Variants in ZC3H8 observed in about 807,000 individuals in gnomAD.
The protein encoded by ZC3H8 is zinc finger CCCH domain-containing protein 8.
Under a neutral mutation model 42.5 loss-of-function variants are expected in ZC3H8, and 27 were observed. The observed-to-expected ratio is 0.64, with a 90% CI of 0.47 to 0.88. The LOEUF is 0.88. ZC3H8 is among the 40% of genes least tolerant of loss of function. ZC3H8 has a pLI of 0.00. For synonymous variants in ZC3H8, 101 were observed against 110.1 expected (o/e 0.92, Z 0.52); for missense variants, 277 against 336.1 (o/e 0.82, Z 1.37).
At chr2:112,245,666 G>A (rs1318319144) in intron 2 of ZC3H8, among the ~76,000 whole-genome samples, 1 of 152,120 alleles carries the variant, frequency 6.6e-6, no homozygotes, top group Non-Finnish European at 1.5e-5. Context: ...AAAGCAATGT[G>A]CATGATGAAG....
At chr2:112,230,021 A>G (rs889988633) in intron 8 of ZC3H8, among the ~76,000 whole-genome samples, 1 of 152,154 alleles carries the variant, frequency 6.6e-6, no homozygotes, top group African/African-American at 2.4e-5. Flanking sequence ...AAAGAATTAT[A>G]TAAGGAATAT....
intron 1 of ZC3H8, 91 bp downstream of exon 1, chr2:112,254,804 ACGCGGCCCGGACG>A: frequency 7.3e-7 from 1 of 1,372,478 alleles, no homozygotes; most frequent in South Asian, 1.3e-5. Flanking sequence ...GGCCCTCGCG[ACGCGGCCCGGACG>A]TGGCCCCGGA....
At chr2:112,233,117 C>T in intron 6 of ZC3H8, 143 bp downstream of exon 6, 1 of 545,730 alleles carries the variant, frequency 1.8e-6, no homozygotes, top group Non-Finnish European at 3.2e-6. Flanking sequence ...AATCCACGTA[C>T]AATTTAATCA....
At chr2:112,254,342 A>T (rs929265374) in intron 1 of ZC3H8, among the ~76,000 whole-genome samples, 1 of 152,232 alleles carries the variant, frequency 6.6e-6, no homozygotes, top group Non-Finnish European at 1.5e-5. Context: ...ACCTAATGGA[A>T]ATATTAAGTC....
intron 2 of ZC3H8, among the ~76,000 whole-genome samples, chr2:112,239,793 C>T (rs1685506497): frequency 6.6e-6 from 1 of 152,112 alleles, no homozygotes; most frequent in Non-Finnish European, 1.5e-5. Context: ...CCCTATTGGC[C>T]AGGCTGGTCC....
chr2:112,247,644 A>G (rs1685806137), intron 2 of ZC3H8, among the ~76,000 whole-genome samples: 2 of 152,232 alleles, frequency 1.3e-5, no homozygotes. Context: ...CACCTTTTAC[A>G]TACTTGTGAG....
chr2:112,255,001 T>C lies in ZC3H8; in HGVS notation c.-20A>G. On this transcript the variant is annotated 5_prime_UTR_variant, in exon 1 of 9. Transcript: ENST00000409573. ...ATCCATGACCCAGACAGGTCCTCCC[T>C]TTCGCGAGCCGGGAAGCTACAGAGT... The C allele has an allele frequency of 2.5e-6, 4 of 1,591,196 alleles. No individual in the cohort carries two copies. Among genetic ancestry groups the C allele is most frequent in the Non-Finnish European group, 3.4e-6 (4 of 1,170,194 alleles).
At chr2:112,249,013 G>A (rs1037529499) in intron 2 of ZC3H8, among the ~76,000 whole-genome samples, 6 of 152,040 alleles carry the variant, frequency 3.9e-5, no homozygotes, top group Non-Finnish European at 7.4e-5. Context: ...TGGGCAACAT[G>A]GCGAAACCCC....
intron 2 of ZC3H8, among the ~76,000 whole-genome samples, chr2:112,244,377 G>A (rs1402943924): frequency 6.6e-6 from 1 of 152,056 alleles, no homozygotes; most frequent in Non-Finnish European, 1.5e-5. Context: ...CTACATATGG[G>A]TGTATGCCAA....
At chr2:112,226,589 C>CAAAAAAAAAAAAAAAA (rs549996878) in intron 8 of ZC3H8, among the ~76,000 whole-genome samples, 7 of 74,190 alleles carry the variant, frequency 9.4e-5, no homozygotes, top group African/African-American at 1.2e-4. Flanking sequence ...GACTCCATCT[C>CAAAAAAAAAAAAAAAA]AAAAAAAAAA....
chr2:112,232,008 A>T, intron 6 of ZC3H8, 61 bp from the exon 7 acceptor site: 1 of 1,040,190 alleles, frequency 9.6e-7, no homozygotes, highest in Non-Finnish European at 1.4e-6. Flanking sequence ...TTATTAACTT[A>T]ATGACTTTAT....
At chr2:112,233,982 A>G (rs923010568) in intron 5 of ZC3H8, 138 bp downstream of exon 5, 20 of 552,366 alleles carry the variant, frequency 3.6e-5, no homozygotes, top group Non-Finnish European at 5.6e-5. Context: ...ACATAAAAGA[A>G]TACTTCACTA....
At position 112,233,217 on chromosome 2, in the gene ZC3H8, T is replaced by C. The variant is rs1176732569; in HGVS notation, c.733+43A>G. Reference sequence around the variant, plus strand: ...AAATTTTGCACATTTAAAATGTTCATGTAAATATTTATAAAGTCACCATAT... The same window carrying C: ...AAATTTTGCACATTTAAAATGTTCACGTAAATATTTATAAAGTCACCATAT... On this transcript the variant is annotated intron_variant, in intron 6 of 8. Coordinates refer to ENST00000409573, the MANE Select transcript of ZC3H8 (RefSeq NM_032494.3). 5 of 1,260,502 alleles carry C rather than the reference T, an allele frequency of 4.0e-6. No homozygotes were observed. In the South Asian group the frequency reaches 4.6e-5, roughly 12 times the overall value. The allele number at this position is 1,260,502 out of a possible 1,614,324, so 78.1% of individuals were successfully genotyped here.
At chr2:112,225,391 T>C (rs1024162186) in intron 8 of ZC3H8, among the ~76,000 whole-genome samples, 7 of 152,208 alleles carry the variant, frequency 4.6e-5, no homozygotes, top group South Asian at 2.1e-4. Context: ...GGTAGAAGGA[T>C]TGCTTGAGCC....
At chr2:112,234,330 C>T in intron 4 of ZC3H8, 94 bp from the exon 5 acceptor site, 1 of 950,108 alleles carries the variant, frequency 1.1e-6, no homozygotes, top group East Asian at 2.8e-5. Context: ...ACTTCAGAGC[C>T]TTAAAGGTGA....
In ZC3H8 at chr2:112,219,873, C is replaced by T. The variant is rs556736125; in HGVS notation, c.*16-3405G>A. Among the ~76,000 whole-genome samples, 3 of 152,264 alleles carry T rather than the reference C, an allele frequency of 2.0e-5. No individual in the cohort carries two copies. The South Asian group carries it at 6.2e-4, about 32-fold the overall frequency. On this transcript the variant is annotated intron_variant, in intron 8 of 8. Transcript: ENST00000409573. ...ATACTGTGAGTGGAGTGTTTAATGT[C>T]TCCCACTATTATTGTGTGGTTATTT... is the stretch of plus-strand genomic sequence containing the variant.
rs532730345 is a variant in ZC3H8, at chr2:112,239,313, A to T, written c.157-785T>A. Among the ~76,000 whole-genome samples the T allele has an allele frequency of 3.6e-4, 55 of 152,348 alleles. 1 individual carries two copies. The highest frequency in any genetic ancestry group is 1.3e-3 in the African/African-American group (53 of 41,572). On this transcript the variant is annotated intron_variant, in intron 2 of 8. Coordinates refer to ENST00000409573, the MANE Select transcript of ZC3H8 (RefSeq NM_032494.3). Reference sequence around the variant, plus strand: ...CAGGTATATTAAACTGTATCATTATAATTAGTATGTATGACACATTTTAAT... The same window carrying T: ...CAGGTATATTAAACTGTATCATTATTATTAGTATGTATGACACATTTTAAT...
intron 8 of ZC3H8, among the ~76,000 whole-genome samples, chr2:112,216,698 T>C (rs1226059501): frequency 9.7e-6 from 1 of 103,418 alleles, no homozygotes; most frequent in African/African-American, 4.0e-5. Flanking sequence ...AAAAAAAAAA[T>C]ACAAATAATG....
chr2:112,223,267 GAAAA>G (rs958756070), intron 8 of ZC3H8, among the ~76,000 whole-genome samples: 1 of 148,898 alleles, frequency 6.7e-6, no homozygotes, highest in South Asian at 2.1e-4. Flanking sequence ...TTTAAAAAAA[GAAAA>G]AAAAAGTAAA....
Sources: allele counts gnomAD v4.1 joint callset (sites outside exome capture counted in the v4.1 genomes callset), GRCh38; gene constraint gnomAD v4.1.1; transcripts MANE v1.5; gene names NCBI Gene and HGNC (gene_info 2026-07-23, HGNC 2026-07-21).